Variants in DNAI1 observed in about 807,000 individuals in gnomAD.
The protein encoded by DNAI1 is dynein, axonemal, intermediate polypeptide 1.
In DNAI1, 67 loss-of-function variants were observed where a neutral mutation model predicts 92.0. The ratio of observed to expected loss-of-function variants is 0.73; its 90% CI spans 0.60 to 0.89. The LOEUF (loss-of-function observed/expected upper bound fraction) is 0.89, where lower values mean the gene tolerates loss of function less well. Ranked by LOEUF, DNAI1 falls within the 40% of genes least tolerant of loss-of-function variation. DNAI1 has a pLI of 0.00. For synonymous variants in DNAI1, 323 were observed against 319.6 expected (o/e 1.01, Z -0.11); for missense variants, 839 against 866.6 (o/e 0.97, Z 0.40).
intron 12 of DNAI1, among the ~76,000 whole-genome samples, chr9:34,503,476 T>C (rs1368405706): frequency 6.6e-6 from 1 of 152,168 alleles, no homozygotes; most frequent in African/African-American, 2.4e-5. Context: ...GGAGTGAGAA[T>C]TTGGGTTTGT....
intron 1 of DNAI1, among the ~76,000 whole-genome samples, chr9:34,477,924 C>CTCT (rs1824269558): frequency 2.0e-4 from 10 of 49,020 alleles, no homozygotes; most frequent in Non-Finnish European, 2.8e-4. Context: ...CTCTCTCTCT[C>CTCT]TTTTTTTTTT....
At chr9:34,481,236 C>G (rs1340686457) in intron 1 of DNAI1, among the ~76,000 whole-genome samples, 2 of 152,248 alleles carry the variant, frequency 1.3e-5, no homozygotes, top group Non-Finnish European at 2.9e-5. Context: ...GAGTGAAACT[C>G]TGTCTCAAAA....
At chr9:34,493,168 A>G in intron 8 of DNAI1, 26 bp from the exon 9 acceptor site, 3 of 1,614,154 alleles carry the variant, frequency 1.9e-6, no homozygotes, top group Non-Finnish European at 2.5e-6. Context: ...CCTTACAATG[A>G]TCCTTCTTAT....
chr9:34,461,061 T>A (rs755251693), intron 1 of DNAI1, among the ~76,000 whole-genome samples: 1 of 152,102 alleles, frequency 6.6e-6, no homozygotes, highest in Non-Finnish European at 1.5e-5. Context: ...CACGATGGTC[T>A]TGGATCTCCT....
chr9:34,504,264 T>C (rs1177927892), intron 12 of DNAI1, among the ~76,000 whole-genome samples: 1 of 152,222 alleles, frequency 6.6e-6, no homozygotes, highest in Non-Finnish European at 1.5e-5. Context: ...TCCCTGGGCC[T>C]GCCCAGGCCA....
At chr9:34,472,621 G>C (rs1180155538) in intron 1 of DNAI1, among the ~76,000 whole-genome samples, 2 of 152,120 alleles carry the variant, frequency 1.3e-5, no homozygotes, top group Non-Finnish European at 2.9e-5. Flanking sequence ...AATACATTAG[G>C]CTGGGTGCAG....
In DNAI1 at chr9:34,520,918, C is replaced by T. The variant is rs1410774897; in HGVS notation, c.*162C>T. The T allele has an allele frequency of 3.8e-5, 28 of 743,454 alleles. No individual in the cohort carries two copies. Among genetic ancestry groups the T allele is most frequent in the Non-Finnish European group, 6.3e-5 (27 of 428,848 alleles). 46.1% of individuals were successfully genotyped at this position (743,454 alleles called of 1,614,324 possible). On this transcript the variant is annotated 3_prime_UTR_variant, in exon 20 of 20. Transcript: ENST00000242317. Reference sequence around the variant, plus strand: ...TTCCTTAAGGTCCCAGCACCTTACCCCAGGACTTGGTCTTCAACCACCATT... The same window carrying T: ...TTCCTTAAGGTCCCAGCACCTTACCTCAGGACTTGGTCTTCAACCACCATT...
At chr9:34,492,499 T>TATATATATATAG in intron 8 of DNAI1, among the ~76,000 whole-genome samples, 1 of 42,076 alleles carries the variant, frequency 2.4e-5, no homozygotes, top group East Asian at 1.0e-3. Context: ...TGAAGATATA[T>TATATATATATAG]ATATATATAT....
chr9:34,506,144 C>T (rs1417390230), intron 12 of DNAI1, among the ~76,000 whole-genome samples: 2 of 152,110 alleles, frequency 1.3e-5, no homozygotes, highest in Non-Finnish European at 2.9e-5. Flanking sequence ...TGGGGATATG[C>T]TCATAGGTGG....
In DNAI1 at chr9:34,485,194, C is replaced by G; in HGVS notation, c.134C>G (p.Ser45Cys). 1 of 1,614,162 alleles carries G rather than the reference C, an allele frequency of 6.2e-7. No individual in the cohort carries two copies. The highest frequency in any genetic ancestry group is 8.5e-7 in the Non-Finnish European group (1 of 1,180,034). The change falls in exon 3 of 20, where the codon TCC (serine) becomes TGC (cysteine). Residue 45 changes from serine to cysteine, a missense_variant. Coordinates refer to ENST00000242317, the MANE Select transcript of DNAI1 (RefSeq NM_012144.4). ...VGEGTDEWAQSKATVRPPDQL... is the reference protein window; with the variant it reads ...VGEGTDEWAQCKATVRPPDQL... ...GAAGGCACAGATGAATGGGCCCAATCCAAAGCCACAGTTAGACCCCCTGAC... is the reference window on the plus strand; with the variant it reads ...GAAGGCACAGATGAATGGGCCCAATGCAAAGCCACAGTTAGACCCCCTGAC...
chr9:34,500,988 A>C (rs1302515377), intron 11 of DNAI1, 149 bp downstream of exon 11: 17 of 970,122 alleles, frequency 1.8e-5, no homozygotes, highest in Non-Finnish European at 2.7e-5. Context: ...GGATCACAAG[A>C]CCACCCCCAG....
chr9:34,485,661 A>G (rs536351623), intron 4 of DNAI1, 144 bp downstream of exon 4: 284 of 822,174 alleles, frequency 3.5e-4, no homozygotes, highest in Non-Finnish European at 5.4e-4. Context: ...CAGATTTCAT[A>G]TGGAGTTTTC....
At chr9:34,490,643 G>C (rs954081166) in intron 7 of DNAI1, among the ~76,000 whole-genome samples, 155 bp downstream of exon 7, 1 of 152,212 alleles carries the variant, frequency 6.6e-6, no homozygotes, top group Non-Finnish European at 1.5e-5. Flanking sequence ...CTGAGAGCAT[G>C]TGTTCAGGTC....
intron 1 of DNAI1, among the ~76,000 whole-genome samples, chr9:34,464,043 T>C (rs1051920590): frequency 1.3e-5 from 2 of 152,202 alleles, no homozygotes; most frequent in East Asian, 1.9e-4. Flanking sequence ...GCCCTAGATA[T>C]GATCTTTTAC....
At chr9:34,472,400 C>A (rs559165643) in intron 1 of DNAI1, among the ~76,000 whole-genome samples, 1 of 152,278 alleles carries the variant, frequency 6.6e-6, no homozygotes, top group Non-Finnish European at 1.5e-5. Flanking sequence ...TACTTTCTGG[C>A]CTTCTGCAGC....
intron 2 of DNAI1, 107 bp downstream of exon 2, chr9:34,483,587 A>G: frequency 8.8e-7 from 1 of 1,135,726 alleles, no homozygotes. Context: ...CTAAAAGAAG[A>G]ATGTTAAAAT....
Position 34,480,752 on chromosome 9 carries a change from T to C in DNAI1, c.49-2696T>C, listed in dbSNP as rs183644979. Among the ~76,000 whole-genome samples, 979 of 151,890 alleles carry C rather than the reference T, an allele frequency of 6.4e-3. 12 individuals are homozygous for C. Among genetic ancestry groups the C allele is most frequent in the Non-Finnish European group, 0.01 (682 of 67,954 alleles). On this transcript the variant is annotated intron_variant, in intron 1 of 19. Transcript: ENST00000242317. Reference sequence around the variant, plus strand: ...TGAGGTCAGGAGTTTGAGACCAGCCTGGCCAACATGGTGAAACCCTGTCTC... The same window carrying C: ...TGAGGTCAGGAGTTTGAGACCAGCCCGGCCAACATGGTGAAACCCTGTCTC...
intron 4 of DNAI1, among the ~76,000 whole-genome samples, chr9:34,487,436 C>T (rs1373185123): frequency 6.6e-6 from 1 of 152,114 alleles, no homozygotes; most frequent in African/African-American, 2.4e-5. Flanking sequence ...CTGCCCGCCT[C>T]AGCCTCCAAA....
At chr9:34,466,800 T>C (rs1363218432) in intron 1 of DNAI1, among the ~76,000 whole-genome samples, 3 of 152,226 alleles carry the variant, frequency 2.0e-5, no homozygotes, top group African/African-American at 7.2e-5. Context: ...CTTATTCTTA[T>C]TTCCCAACTG....
Sources: allele counts gnomAD v4.1 joint callset (sites outside exome capture counted in the v4.1 genomes callset), GRCh38; gene constraint gnomAD v4.1.1; transcripts MANE v1.5; gene names NCBI Gene and HGNC (gene_info 2026-07-23, HGNC 2026-07-21).